ANK2: variants seen among roughly 807,000 people sequenced by gnomAD.
ANK2 encodes the protein ankyrin-2.
A neutral mutation model predicts 360.5 loss-of-function variants in ANK2; 83 were observed. The ratio of observed to expected loss-of-function variants is 0.23; its 90% confidence interval spans 0.19 to 0.28. The LOEUF is 0.28. Among genes scored for constraint, ANK2 ranks in the 10% least tolerant of loss-of-function variants. The pLI, the probability that ANK2 is intolerant of heterozygous loss-of-function variation, is 1.00. For missense variants in ANK2, 4,201 were observed against 4,795.7 expected, an observed-to-expected ratio of 0.88 and a Z score of 3.66; for synonymous variants, 1,740 against 1,759.5, an observed-to-expected ratio of 0.99 and a Z score of 0.28.
intron 2 of ANK2, among the ~76,000 whole-genome samples, chr4:113,004,734 C>T (rs2052150058): frequency 6.6e-6 from 1 of 152,112 alleles, no homozygotes; most frequent in Non-Finnish European, 1.5e-5. Context: ...ATTGTATATG[C>T]TATTATTTCA....
intron 1 of ANK2, among the ~76,000 whole-genome samples, chr4:113,147,731 TCA>T (rs1318525844): frequency 6.6e-5 from 10 of 152,242 alleles, no homozygotes; most frequent in African/African-American, 2.4e-4. Context: ...AATGTAAGAC[TCA>T]CAAACATATG....
intron 2 of ANK2, among the ~76,000 whole-genome samples, chr4:112,993,023 C>G (rs2047335806): frequency 6.6e-6 from 1 of 151,982 alleles, no homozygotes; most frequent in Non-Finnish European, 1.5e-5. Flanking sequence ...TGGCTCATAC[C>G]TGTAATTCCA....
At chr4:113,050,117 G>A (rs1024565475) in intron 1 of ANK2, among the ~76,000 whole-genome samples, 8 of 152,170 alleles carry the variant, frequency 5.3e-5, no homozygotes, top group Admixed American at 5.2e-4. Flanking sequence ...TGTTAACTGG[G>A]TAGAGAGAGT....
intron 1 of ANK2, among the ~76,000 whole-genome samples, chr4:113,168,326 T>C (rs947773477): frequency 6.6e-6 from 1 of 152,232 alleles, no homozygotes; most frequent in Non-Finnish European, 1.5e-5. Flanking sequence ...TGAATAGTTA[T>C]CTTAAATAAC....
chr4:112,731,917 A>G, the ANK2 span, among the ~76,000 whole-genome samples: 7 of 152,188 alleles, frequency 4.6e-5, no homozygotes, highest in Non-Finnish European at 7.3e-5. Context: ...TAGGTTCTCA[A>G]GTAGCCGGGA....
chr4:112,846,894 G>C lies in ANK2; in HGVS notation c.-40+28630G>C, dbSNP rs1287547126. Among the ~76,000 whole-genome samples the C allele has an allele frequency of 2.6e-5, 4 of 152,234 alleles. No homozygotes were observed. In the East Asian group the frequency reaches 7.7e-4, roughly 29 times the overall value. ...GTTATCCTTATCTACAAAATCCGGA[G>C]TAGTTTAGCAGCACCATGTCTGTGT... is the stretch of plus-strand genomic sequence containing the variant. On this transcript the variant is annotated intron_variant, in intron 1 of 30. Transcript: ENST00000503271.
In ANK2 at chr4:113,355,407, A is replaced by G; in HGVS notation, c.6789A>G (p.Glu2263=). ...AGGAGCAAACTGGGGAAACAAAGGA[A>G]AGCACCAAGACAGAAACCACCACAG... ...KSEEQTGETK[E]STKTETTTEI... The change falls in exon 38 of 46, where the codon GAA becomes GAG. Residue 2263 remains glutamate (E), a synonymous_variant. Transcript: ENST00000357077. The G allele has an allele frequency of 6.2e-7, 1 of 1,614,006 alleles. No individual in the cohort carries two copies. The highest frequency in any genetic ancestry group is 8.5e-7 in the Non-Finnish European group (1 of 1,179,986).
At chr4:113,063,740 A>G (rs2074481162) in intron 1 of ANK2, among the ~76,000 whole-genome samples, 1 of 152,182 alleles carries the variant, frequency 6.6e-6, no homozygotes, top group South Asian at 2.1e-4. Context: ...TTAAATTCTA[A>G]GATAATGAAA....
chr4:113,034,732 C>G (rs2061212589), intron 2 of ANK2: 1 of 151,918 alleles, frequency 6.6e-6, no homozygotes, highest in Non-Finnish European at 1.5e-5. Context: ...CACTTCCTGG[C>G]TTAGGCTACC....
intron 45 of ANK2, chr4:113,374,621 C>T: frequency 8.4e-6 from 3 of 356,348 alleles, no homozygotes; most frequent in Non-Finnish European, 1.2e-5. Context: ...TCGTTTTTTT[C>T]TAACTCTGCT....
At chr4:113,270,297 G>T (rs1199418468) in intron 14 of ANK2, among the ~76,000 whole-genome samples, 1 of 152,034 alleles carries the variant, frequency 6.6e-6, no homozygotes, top group Admixed American at 6.6e-5. Flanking sequence ...TCATTTTCAT[G>T]TGTCTCTGCC....
intron 26 of ANK2, among the ~76,000 whole-genome samples, chr4:113,325,771 G>A (rs779852320): frequency 6.6e-6 from 1 of 152,106 alleles, no homozygotes; most frequent in African/African-American, 2.4e-5. Context: ...GGAAGATGAT[G>A]GGAACAAGCA....
intron 1 of ANK2, among the ~76,000 whole-genome samples, chr4:112,886,442 A>C (rs373277386): frequency 1.3e-5 from 2 of 152,142 alleles, no homozygotes; most frequent in Admixed American, 1.3e-4. Flanking sequence ...AGGCGGGCAG[A>C]TCACGAGGTC....
the ANK2 span, among the ~76,000 whole-genome samples, chr4:112,781,414 C>T: frequency 1.1e-4 from 16 of 152,054 alleles, no homozygotes; most frequent in African/African-American, 3.4e-4. Flanking sequence ...AGTAAACTTT[C>T]CTTATTGAAT....
At chr4:113,014,045 G>C (rs1257454917) in intron 2 of ANK2, among the ~76,000 whole-genome samples, 1 of 152,132 alleles carries the variant, frequency 6.6e-6, no homozygotes, top group Non-Finnish European at 1.5e-5. Context: ...AACAGGTTGA[G>C]CACTAGAGCC....
the ANK2 span, among the ~76,000 whole-genome samples, chr4:112,778,685 C>T: frequency 5.9e-5 from 9 of 152,122 alleles, no homozygotes; most frequent in Admixed American, 1.3e-4. Context: ...TCGAACCAAT[C>T]GCTGACAAGG....
In ANK2 at chr4:113,013,246, T is replaced by G. The variant is rs571735797; in HGVS notation, c.21+108732T>G. 5.9e-5 allele frequency among the ~76,000 whole-genome samples: 9 copies of G among 152,272 alleles called. No individual in the cohort carries two copies. In the East Asian group the frequency reaches 1.7e-3, roughly 29 times the overall value. ...GAACCAGGGTGGTAATTTAGCAGCC[T>G]GTTTTTCCAGGTGTTTTGATTCGGT... On this transcript the variant is annotated intron_variant, in intron 2 of 30. Coordinates refer to the ANK2 transcript ENST00000503271.
At chr4:113,194,768 A>G (rs1378204521) in intron 2 of ANK2, among the ~76,000 whole-genome samples, 2 of 152,126 alleles carry the variant, frequency 1.3e-5, no homozygotes. Flanking sequence ...CTCAATAAAT[A>G]TTTGCTGATT....
chr4:112,767,800 A>AT, the ANK2 span, among the ~76,000 whole-genome samples: 1 of 152,128 alleles, frequency 6.6e-6, no homozygotes, highest in African/African-American at 2.4e-5. Flanking sequence ...AGAGAAACTC[A>AT]TTTTTTAACT....
Sources: allele counts gnomAD v4.1 joint callset (sites outside exome capture counted in the v4.1 genomes callset), GRCh38; gene constraint gnomAD v4.1.1; transcripts MANE v1.5; gene names NCBI Gene and HGNC (gene_info 2026-07-23, HGNC 2026-07-21).